Variants in CACNA2D1 observed in about 807,000 individuals in gnomAD.
CACNA2D1 encodes the protein voltage-dependent calcium channel subunit alpha-2/delta-1.
In CACNA2D1, 53 loss-of-function variants were observed where a neutral mutation model predicts 171.5. That is an observed-to-expected ratio of 0.31 (90% confidence interval 0.25 to 0.39). CACNA2D1 has a LOEUF of 0.39. Among genes scored for constraint, CACNA2D1 ranks in the 10% least tolerant of loss-of-function variants. The probability of loss-of-function intolerance (pLI) is 1.00; values close to 1 mark genes in which losing one functional copy is unlikely to be tolerated. For missense variants in CACNA2D1, 903 were observed against 1,299.8 expected (o/e 0.69, Z 4.69); for synonymous variants, 442 against 443.1 (o/e 1.00, Z 0.03).
chr7:82,332,005 T>G (rs902220190), intron 3 of CACNA2D1, among the ~76,000 whole-genome samples: 2 of 152,228 alleles, frequency 1.3e-5, no homozygotes, highest in African/African-American at 4.8e-5. Flanking sequence ...CATTTTCCAG[T>G]AATGAAAGTT....
intron 21 of CACNA2D1, among the ~76,000 whole-genome samples, chr7:81,985,242 C>T (rs1489452824): frequency 6.8e-6 from 1 of 147,214 alleles, no homozygotes; most frequent in Non-Finnish European, 1.5e-5. Flanking sequence ...ACTCTATCCC[C>T]CAGGCTGGAG....
At chr7:82,240,884 T>C (rs1804178202) in intron 3 of CACNA2D1, among the ~76,000 whole-genome samples, 1 of 152,012 alleles carries the variant, frequency 6.6e-6, no homozygotes. Context: ...GGAGAATCAC[T>C]TGAACCCGAG....
chr7:82,069,892 T>G (rs1208742420), intron 7 of CACNA2D1, among the ~76,000 whole-genome samples: 1 of 152,142 alleles, frequency 6.6e-6, no homozygotes, highest in Non-Finnish European at 1.5e-5. Context: ...TTTTAAAAAG[T>G]AAATTTCATA....
At chr7:82,062,955 C>T (rs1417128479) in intron 9 of CACNA2D1, among the ~76,000 whole-genome samples, 1 of 151,830 alleles carries the variant, frequency 6.6e-6, no homozygotes, top group Non-Finnish European at 1.5e-5. Context: ...CTTTGTTGCT[C>T]AGGCTGGTCT....
At chr7:82,373,265 G>A (rs1200329273) in intron 1 of CACNA2D1, among the ~76,000 whole-genome samples, 3 of 152,144 alleles carry the variant, frequency 2.0e-5, no homozygotes, top group Non-Finnish European at 4.4e-5. Context: ...CTCATTTAGT[G>A]TTGGAAAGAA....
At chr7:82,298,848 C>T (rs918861761) in intron 3 of CACNA2D1, among the ~76,000 whole-genome samples, 13 of 151,692 alleles carry the variant, frequency 8.6e-5, no homozygotes, top group Non-Finnish European at 1.8e-4. Context: ...GGATCACCTG[C>T]GGTCAGGAGT....
chr7:82,174,039 T>G (rs1796304149), intron 3 of CACNA2D1, among the ~76,000 whole-genome samples: 1 of 65,828 alleles, frequency 1.5e-5, no homozygotes, highest in Non-Finnish European at 2.4e-5. Context: ...CAAGACCCTG[T>G]CTCAAAAAAA....
intron 5 of CACNA2D1, among the ~76,000 whole-genome samples, chr7:82,133,055 A>G (rs184179085): frequency 2.6e-5 from 4 of 152,156 alleles, no homozygotes; most frequent in African/African-American, 9.7e-5. Context: ...TTTTTATTTT[A>G]TAAAGCATTC....
At chr7:82,084,383 A>C (rs1810194282) in intron 7 of CACNA2D1, among the ~76,000 whole-genome samples, 1 of 152,286 alleles carries the variant, frequency 6.6e-6, no homozygotes, top group African/African-American at 2.4e-5. Flanking sequence ...TTTTGTTACA[A>C]ATTTCAATCA....
chr7:82,216,323 T>C (rs1801093424), intron 3 of CACNA2D1, among the ~76,000 whole-genome samples: 1 of 152,178 alleles, frequency 6.6e-6, no homozygotes, highest in South Asian at 2.1e-4. Flanking sequence ...ACTATTTTCT[T>C]GTATAGAACA....
At chr7:82,053,021 G>A (rs917601024) in intron 10 of CACNA2D1, among the ~76,000 whole-genome samples, 7 of 152,094 alleles carry the variant, frequency 4.6e-5, no homozygotes, top group African/African-American at 1.7e-4. Context: ...CGGAGGCAGA[G>A]GCGGGCGGAT....
chr7:82,276,187 T>C (rs1563296205), intron 3 of CACNA2D1, among the ~76,000 whole-genome samples: 1 of 152,188 alleles, frequency 6.6e-6, no homozygotes. Context: ...CTTGTCACAG[T>C]TTTATTTATT....
intron 6 of CACNA2D1, among the ~76,000 whole-genome samples, chr7:82,105,398 CT>C (rs572031121): frequency 0.012 from 1,204 of 99,480 alleles, 13 homozygotes; most frequent in African/African-American, 0.034. Context: ...CAGTTTTTGT[CT>C]TTTTTTTTTT....
intron 6 of CACNA2D1, among the ~76,000 whole-genome samples, chr7:82,103,683 T>A (rs1812968534): frequency 6.8e-6 from 1 of 146,850 alleles, no homozygotes; most frequent in Admixed American, 6.9e-5. Flanking sequence ...ATTCAGATTT[T>A]GATAGAATGC....
intron 6 of CACNA2D1, among the ~76,000 whole-genome samples, chr7:82,093,021 G>A (rs945489109): frequency 6.6e-6 from 1 of 151,636 alleles, no homozygotes; most frequent in African/African-American, 2.4e-5. Flanking sequence ...TTGTTTTCAT[G>A]CATACTATAG....
intron 1 of CACNA2D1, among the ~76,000 whole-genome samples, chr7:82,389,699 T>G (rs1824872501): frequency 6.6e-6 from 1 of 152,206 alleles, no homozygotes; most frequent in Non-Finnish European, 1.5e-5. Flanking sequence ...CCAGTCTCTG[T>G]TTCCCCATCT....
chr7:82,210,662 A>G (rs996461678), intron 3 of CACNA2D1, among the ~76,000 whole-genome samples: 10 of 152,202 alleles, frequency 6.6e-5, no homozygotes, highest in African/African-American at 2.2e-4. Context: ...TTAGTTCAGC[A>G]TAAGTATCAA....
intron 3 of CACNA2D1, among the ~76,000 whole-genome samples, chr7:82,180,130 T>C (rs1796964660): frequency 6.6e-6 from 1 of 152,134 alleles, no homozygotes; most frequent in East Asian, 1.9e-4. Flanking sequence ...GAGACTAGTT[T>C]TTCAAGAATG....
At chr7:82,303,173 A>AT (rs1813259481) in intron 3 of CACNA2D1, among the ~76,000 whole-genome samples, 1 of 151,912 alleles carries the variant, frequency 6.6e-6, no homozygotes, top group South Asian at 2.1e-4. Context: ...TTGTTTTTGT[A>AT]TTTTTAGTAG....
Sources: allele counts gnomAD v4.1 joint callset (sites outside exome capture counted in the v4.1 genomes callset), GRCh38; gene constraint gnomAD v4.1.1; transcripts MANE v1.5; gene names NCBI Gene and HGNC (gene_info 2026-07-23, HGNC 2026-07-21).